The following AR variants were observed in gnomAD, a reference collection of about 807,000 sequenced individuals.
AR encodes androgen receptor.
Under a neutral mutation model 53.9 loss-of-function variants are expected in AR, and 8 were observed. The observed-to-expected ratio is 0.15, with a 90% CI of 0.09 to 0.27. The LOEUF is 0.27. AR is among the 10% of genes least tolerant of loss of function. The pLI, the probability that AR is intolerant of heterozygous loss-of-function variation, is 1.00. For missense variants in AR, 639 were observed against 742.5 expected, an observed-to-expected ratio of 0.86 and a Z score of 1.62; for synonymous variants, 359 against 316.4, an observed-to-expected ratio of 1.13 and a Z score of -1.43.
intron 1 of AR, among the ~76,000 whole-genome samples, chrX:67,620,914 C>T (rs1372039814): frequency 3.6e-5 from 4 of 111,601 alleles, no homozygotes; most frequent in Non-Finnish European, 7.5e-5. Context: ...CCACATTTTC[C>T]AGAAAGAGGG....
rs904080737 is a variant in AR, at chrX:67,722,724, G to A, written c.2450-103G>A. 1.1e-5 allele frequency: 11 copies of A among 1,006,748 alleles called. No individual in the cohort carries two copies. The African/African-American group carries it at 2.1e-4, about 19-fold the overall frequency. 83.0% of individuals were successfully genotyped at this position (1,006,748 alleles called of 1,213,427 possible). On this transcript the variant is annotated intron_variant, in intron 6 of 7. Coordinates refer to ENST00000374690, the MANE Select transcript of AR (RefSeq NM_000044.6). ...CAGGAAGCCAAGTAGATGGTTCCCT[G>A]TGGGGGTGGGGGTCAAGTCTGTGGT...
chrX:67,628,112 G>A (rs1389526691), intron 1 of AR, among the ~76,000 whole-genome samples: 1 of 110,950 alleles, frequency 9.0e-6, no homozygotes. Context: ...ATTGACTTGG[G>A]GATGTGGGCT....
At chrX:67,614,774 G>T (rs922116504) in intron 1 of AR, among the ~76,000 whole-genome samples, 3 of 111,211 alleles carry the variant, frequency 2.7e-5, no homozygotes, top group African/African-American at 6.5e-5. Flanking sequence ...ACTAGGGAAA[G>T]ACTTTAAAAA....
At chrX:67,691,844 G>A (rs921671741) in intron 3 of AR, among the ~76,000 whole-genome samples, 1 of 111,792 alleles carries the variant, frequency 8.9e-6, no homozygotes, top group Non-Finnish European at 1.9e-5. Flanking sequence ...ATACACAAAG[G>A]ATAGGATGCA....
In AR at chrX:67,688,828, A is replaced by T. The variant is rs926282286; in HGVS notation, c.1885+2702A>T. Among the ~76,000 whole-genome samples the T allele has an allele frequency of 4.5e-5, 5 of 111,725 alleles. 1 individual carries two copies. Among genetic ancestry groups the T allele is most frequent in the African/African-American group, 1.6e-4 (5 of 30,719 alleles). On this transcript the variant is annotated intron_variant, in intron 3 of 7. Coordinates refer to ENST00000374690, the MANE Select transcript of AR (RefSeq NM_000044.6). ...AGTTTATTGTTAACTTACACATTCAATGCACAGCACACCTTTACTCAAACA... is the reference window on the plus strand; with the variant it reads ...AGTTTATTGTTAACTTACACATTCATTGCACAGCACACCTTTACTCAAACA...
At chrX:67,585,081 C>T (rs1232989663) in intron 1 of AR, among the ~76,000 whole-genome samples, 1 of 110,503 alleles carries the variant, frequency 9.0e-6, no homozygotes, top group East Asian at 2.9e-4. Context: ...CATGGTGAAA[C>T]CCCATGTCTA....
chrX:67,640,166 C>T (rs181477075), intron 1 of AR, among the ~76,000 whole-genome samples: 21 of 111,348 alleles, frequency 1.9e-4, no homozygotes, highest in Admixed American at 1.8e-3. Flanking sequence ...AGGGGTGAAG[C>T]GGACTTGATC....
chrX:67,650,564 G>A (rs1259034786), intron 2 of AR, among the ~76,000 whole-genome samples: 2 of 112,320 alleles, frequency 1.8e-5, no homozygotes, highest in East Asian at 2.8e-4. Context: ...TGAATTCTGC[G>A]AGAAGCCATC....
At chrX:67,719,275 C>G (rs766900749) in intron 5 of AR, among the ~76,000 whole-genome samples, 3 of 111,844 alleles carry the variant, frequency 2.7e-5, no homozygotes, top group South Asian at 7.6e-4. Flanking sequence ...CTTGAAAAGC[C>G]CCCTAACTGT....
intron 2 of AR, among the ~76,000 whole-genome samples, chrX:67,666,721 AT>A (rs1195558060): frequency 9.0e-6 from 1 of 111,698 alleles, no homozygotes; most frequent in Non-Finnish European, 1.9e-5. Flanking sequence ...ACCAGCATTC[AT>A]TACTGCCTGT....
chrX:67,649,875 G>C (rs1258739562), intron 2 of AR, among the ~76,000 whole-genome samples: 1 of 112,103 alleles, frequency 8.9e-6, no homozygotes, highest in African/African-American at 3.2e-5. Flanking sequence ...AAGCTCTTTA[G>C]TTTAATTAGA....
intron 3 of AR, chrX:67,695,078 G>A: frequency 1.3e-6 from 1 of 786,539 alleles, no homozygotes; most frequent in Non-Finnish European, 1.5e-6. Context: ...TCAGGCGGAT[G>A]CAGTGAAGCT....
chrX:67,689,236 T>G (rs930843976), intron 3 of AR, among the ~76,000 whole-genome samples: 1 of 111,632 alleles, frequency 9.0e-6, no homozygotes, highest in Admixed American at 9.6e-5. Flanking sequence ...GTATAGATAG[T>G]GAGACTTGAG....
Position 67,659,232 on chromosome X carries a change from TA to T in AR, c.1768+15826del, listed in dbSNP as rs201444376. 7.9e-3 allele frequency among the ~76,000 whole-genome samples: 877 copies of T among 110,992 alleles called. 7 individuals are homozygous for T. Among genetic ancestry groups the T allele is most frequent in the African/African-American group, 0.027 (834 of 30,451 alleles). On this transcript the variant is annotated intron_variant, in intron 2 of 7. Coordinates refer to ENST00000374690, the MANE Select transcript of AR (RefSeq NM_000044.6). Reference sequence around the variant, plus strand: ...ACTCAATTTCTCTTACTTTTTTTTTTATACTTTAAGTTTTAGGGTACATGTG... The same window carrying T: ...ACTCAATTTCTCTTACTTTTTTTTTTTACTTTAAGTTTTAGGGTACATGTG...
Position 67,545,938 on chromosome X carries a change from G to T in AR, c.792G>T (p.Arg264=), listed in dbSNP as rs1019799745. 1 of 1,210,879 alleles carries T rather than the reference G, an allele frequency of 8.3e-7. No individual in the cohort carries two copies. Among genetic ancestry groups the T allele is most frequent in the Non-Finnish European group, 1.1e-6 (1 of 895,371 alleles). The change falls in exon 1 of 8, where the codon CGG becomes CGT. Residue 264 remains arginine, a synonymous_variant. Coordinates refer to ENST00000374690, the MANE Select transcript of AR (RefSeq NM_000044.6). ...LEHLSPGEQL[R]GDCMYAPLLG... is the part of the protein sequence containing the mutation. ...ATCTGAGTCCAGGGGAACAGCTTCGGGGGGATTGCATGTACGCCCCACTTT... is the reference window on the plus strand; with the variant it reads ...ATCTGAGTCCAGGGGAACAGCTTCGTGGGGATTGCATGTACGCCCCACTTT...
chrX:67,567,484 G>C (rs1480605265), intron 1 of AR, among the ~76,000 whole-genome samples: 1 of 110,900 alleles, frequency 9.0e-6, no homozygotes. Context: ...CCTAGTCTCC[G>C]TGCAGAGATG....
At chrX:67,552,947 A>G (rs112730370) in intron 1 of AR, among the ~76,000 whole-genome samples, 86 of 111,451 alleles carry the variant, frequency 7.7e-4, no homozygotes, top group African/African-American at 2.6e-3. Flanking sequence ...CCTTTAATAG[A>G]TTGTGATTTG....
At chrX:67,619,000 C>T (rs1001463819) in intron 1 of AR, among the ~76,000 whole-genome samples, 12 of 111,735 alleles carry the variant, frequency 1.1e-4, no homozygotes, top group African/African-American at 3.6e-4. Flanking sequence ...GTGGTTTTCA[C>T]TTGGTCATTT....
At chrX:67,685,577 G>A (rs191132159) in intron 2 of AR, among the ~76,000 whole-genome samples, 1 of 111,461 alleles carries the variant, frequency 9.0e-6, no homozygotes, top group African/African-American at 3.3e-5. Flanking sequence ...TTATTAGCTC[G>A]AGTGTAATTC....
Sources: allele counts gnomAD v4.1 joint callset (sites outside exome capture counted in the v4.1 genomes callset), GRCh38; gene constraint gnomAD v4.1.1; transcripts MANE v1.5; gene names NCBI Gene and HGNC (gene_info 2026-07-23, HGNC 2026-07-21).